NRXN3: variants seen among roughly 807,000 people sequenced by gnomAD.
NRXN3 encodes the protein neurexin III.
Under a neutral mutation model 137.6 loss-of-function variants are expected in NRXN3, and 32 were observed. The observed-to-expected ratio is 0.23, with a 90% confidence interval of 0.18 to 0.31. The LOEUF (loss-of-function observed/expected upper bound fraction) is 0.31. NRXN3 is among the 10% of genes least tolerant of loss of function. The pLI is 1.00. For missense variants in NRXN3, 1,574 were observed against 2,062.5 expected, an observed-to-expected ratio of 0.76 and a Z score of 4.59; for synonymous variants, 798 against 784.5, an observed-to-expected ratio of 1.02 and a Z score of -0.29.
At chr14:78,986,172 C>A (rs372969697) in intron 14 of NRXN3, among the ~76,000 whole-genome samples, 2 of 152,064 alleles carry the variant, frequency 1.3e-5, no homozygotes, top group Non-Finnish European at 2.9e-5. Context: ...GTGAGGCTTA[C>A]GTTAGAAACT....
chr14:79,123,916 G>C (rs765301559), intron 15 of NRXN3, among the ~76,000 whole-genome samples: 1 of 152,070 alleles, frequency 6.6e-6, no homozygotes, highest in Non-Finnish European at 1.5e-5. Flanking sequence ...CTGCTTATTC[G>C]TCTCTTTGTT....
intron 8 of NRXN3, among the ~76,000 whole-genome samples, chr14:78,725,636 A>C (rs2098479569): frequency 6.6e-6 from 1 of 152,244 alleles, no homozygotes; most frequent in Non-Finnish European, 1.5e-5. Flanking sequence ...AAAATGATGA[A>C]TAACAGTTCT....
chr14:78,491,128 C>T lies in NRXN3; in HGVS notation c.758-153992C>T, dbSNP rs1369656464. Among the ~76,000 whole-genome samples, 3 of 152,180 alleles carry T rather than the reference C, an allele frequency of 2.0e-5. 1 individual carries two copies. The highest frequency in any genetic ancestry group is 2.0e-4 in the Admixed American group (3 of 15,276). On this transcript the variant is annotated intron_variant, in intron 4 of 20. Coordinates refer to ENST00000335750, the MANE Select transcript of NRXN3 (RefSeq NM_001330195.2). Reference sequence around the variant, plus strand: ...GGGAAGAGTTATAAAGAAGAAAGGACATTTTCAAGCTAAGCTCTCCTGGAA... The same window carrying T: ...GGGAAGAGTTATAAAGAAGAAAGGATATTTTCAAGCTAAGCTCTCCTGGAA...
intron 1 of NRXN3, among the ~76,000 whole-genome samples, chr14:78,194,027 A>G (rs1400635811): frequency 6.6e-6 from 1 of 152,144 alleles, no homozygotes; most frequent in African/African-American, 2.4e-5. Context: ...ATAGGCATAG[A>G]AAGGGGGCTG....
At chr14:79,690,620 T>G (rs986140978) in intron 17 of NRXN3, among the ~76,000 whole-genome samples, 1 of 152,114 alleles carries the variant, frequency 6.6e-6, no homozygotes, top group Non-Finnish European at 1.5e-5. Flanking sequence ...AAATTCCTGG[T>G]AGTAAAGATA....
intron 15 of NRXN3, among the ~76,000 whole-genome samples, chr14:79,405,623 T>G (rs1264597586): frequency 6.6e-6 from 1 of 152,070 alleles, no homozygotes; most frequent in African/African-American, 2.4e-5. Context: ...TCAATGAGGT[T>G]TATTGTTGAG....
chr14:78,451,322 G>A (rs1273384250), intron 4 of NRXN3, among the ~76,000 whole-genome samples: 1 of 152,162 alleles, frequency 6.6e-6, no homozygotes, highest in Non-Finnish European at 1.5e-5. Context: ...CCAAACAACT[G>A]GTATAAGGTG....
At chr14:78,628,241 C>A (rs1454383301) in intron 4 of NRXN3, among the ~76,000 whole-genome samples, 1 of 151,886 alleles carries the variant, frequency 6.6e-6, no homozygotes, top group Non-Finnish European at 1.5e-5. Flanking sequence ...CCCAGATAAT[C>A]TTTTTATTTT....
chr14:79,190,920 C>G (rs1243017523), intron 15 of NRXN3, among the ~76,000 whole-genome samples: 1 of 152,136 alleles, frequency 6.6e-6, no homozygotes, highest in African/African-American at 2.4e-5. Flanking sequence ...TGTACATAAT[C>G]TAAAGCATAA....
chr14:78,693,586 C>T (rs2098194487), intron 6 of NRXN3, among the ~76,000 whole-genome samples: 1 of 150,074 alleles, frequency 6.7e-6, no homozygotes, highest in Non-Finnish European at 1.5e-5. Context: ...AATAATAATT[C>T]CTTTCAAAGT....
At chr14:78,220,961 T>C (rs2063793160) in intron 1 of NRXN3, among the ~76,000 whole-genome samples, 1 of 151,822 alleles carries the variant, frequency 6.6e-6, no homozygotes, top group African/African-American at 2.4e-5. Context: ...AGGGAGCATA[T>C]TGGGGAAAAG....
Position 79,521,558 on chromosome 14 carries a change from TCTTTCTTAATATTTAATAC to T in NRXN3, c.3444+54157_3444+54175del, listed in dbSNP as rs538524682. ...GCTCTTTACTATGAGCAGTGAATCA[TCTTTCTTAATATTTAATAC>T]AGAAAAAAACATGCATGTATTAAAA... On this transcript the variant is annotated intron_variant, in intron 16 of 20. Coordinates refer to ENST00000335750, the MANE Select transcript of NRXN3 (RefSeq NM_001330195.2). Among the ~76,000 whole-genome samples the T allele has an allele frequency of 1.1e-3, 171 of 152,302 alleles. 1 individual carries two copies. The highest frequency in any genetic ancestry group is 3.6e-3 in the African/African-American group (148 of 41,564).
chr14:79,674,131 A>G (rs2098628148), intron 17 of NRXN3, among the ~76,000 whole-genome samples: 1 of 152,014 alleles, frequency 6.6e-6, no homozygotes, highest in South Asian at 2.1e-4. Context: ...ACAATTTGGG[A>G]TGTGACCTTG....
intron 4 of NRXN3, among the ~76,000 whole-genome samples, chr14:78,521,218 T>C (rs909492042): frequency 2.0e-5 from 3 of 152,208 alleles, no homozygotes; most frequent in African/African-American, 7.2e-5. Flanking sequence ...TTTCTGCCTC[T>C]TTCTGGTATT....
At chr14:78,913,153 C>G (rs1450627311) in intron 10 of NRXN3, among the ~76,000 whole-genome samples, 3 of 151,802 alleles carry the variant, frequency 2.0e-5, no homozygotes, top group African/African-American at 7.3e-5. Context: ...GGAAAGTAAG[C>G]ACAAAAATGA....
At chr14:78,745,027 T>C (rs2098600764) in intron 8 of NRXN3, 2 of 152,206 alleles carry the variant, frequency 1.3e-5, no homozygotes, top group Non-Finnish European at 2.9e-5. Flanking sequence ...TACAAGACAC[T>C]GATGTAGAAA....
At chr14:79,564,700 C>A (rs2097531233) in intron 16 of NRXN3, among the ~76,000 whole-genome samples, 1 of 152,038 alleles carries the variant, frequency 6.6e-6, no homozygotes, top group South Asian at 2.1e-4. Context: ...AATTATAATG[C>A]AAGCATATTC....
intron 10 of NRXN3, among the ~76,000 whole-genome samples, chr14:78,911,441 G>A (rs1215103160): frequency 6.6e-6 from 1 of 152,074 alleles, no homozygotes; most frequent in African/African-American, 2.4e-5. Flanking sequence ...TGATATTCCA[G>A]TACTTTTTAT....
chr14:78,174,230 GGCAGA>G (rs1435474469), intron 1 of NRXN3, among the ~76,000 whole-genome samples: 1 of 152,154 alleles, frequency 6.6e-6, no homozygotes, highest in Non-Finnish European at 1.5e-5. Flanking sequence ...ATGTGGGGGA[GGCAGA>G]GTCTGACGGG....
Sources: gnomAD v4.1 joint callset for allele counts (sites outside exome capture counted in the v4.1 genomes callset) on GRCh38, gnomAD v4.1.1 for gene constraint, MANE v1.5 for transcripts, NCBI Gene and HGNC (gene_info 2026-07-23, HGNC 2026-07-21) for gene names.